Variants in GRM7 observed in about 807,000 individuals in gnomAD.
The protein encoded by GRM7 is metabotropic glutamate receptor 7.
Under a neutral mutation model 84.5 loss-of-function variants are expected in GRM7, and 35 were observed. The observed-to-expected ratio is 0.41, with a 90% CI of 0.32 to 0.55. The LOEUF is 0.55. Among genes scored for constraint, GRM7 ranks in the 20% least tolerant of loss-of-function variants. The probability of loss-of-function intolerance (pLI) is 0.19; values close to 1 mark genes in which losing one functional copy is unlikely to be tolerated. For synonymous variants in GRM7, 487 were observed against 455.1 expected, an observed-to-expected ratio of 1.07 and a Z score of -0.89; for missense variants, 1,003 against 1,194.6, an observed-to-expected ratio of 0.84 and a Z score of 2.36.
intron 5 of GRM7, among the ~76,000 whole-genome samples, chr3:7,447,506 G>A (rs531297593): frequency 7.8e-4 from 119 of 152,174 alleles, no homozygotes; most frequent in African/African-American, 2.9e-3. Flanking sequence ...CCATGTGGAG[G>A]GTGATTTCAA....
intron 7 of GRM7, among the ~76,000 whole-genome samples, chr3:7,540,477 C>T (rs367887996): frequency 6.6e-6 from 1 of 152,006 alleles, no homozygotes; most frequent in Non-Finnish European, 1.5e-5. Context: ...TAGCTAGATA[C>T]CCAAAAAACA....
At chr3:7,245,921 A>G (rs1697740013) in intron 2 of GRM7, among the ~76,000 whole-genome samples, 1 of 152,130 alleles carries the variant, frequency 6.6e-6, no homozygotes, top group Admixed American at 6.6e-5. Context: ...AAATTAATAA[A>G]ACATTTAGTA....
rs1359296110 is a variant in GRM7 at position 6,995,902 on chromosome 3, TTAAAAAGATGTGAAAGGTAAGCTTCTG to T, written c.519+133998_519+134024del. On this transcript the variant is annotated intron_variant, in intron 1 of 9. Coordinates refer to ENST00000357716, the MANE Select transcript of GRM7 (RefSeq NM_000844.4). ...GAGTTCAAATTTTAATTATAGAGGTTTAAAAAGATGTGAAAGGTAAGCTTCTGTACACTACTGATTTTCTATTTTTTG... is the reference window on the plus strand; with the variant it reads ...GAGTTCAAATTTTAATTATAGAGGTTTACACTACTGATTTTCTATTTTTTG... Among the ~76,000 whole-genome samples the T allele has an allele frequency of 2.6e-5, 4 of 152,270 alleles. No individual in the cohort carries two copies. The East Asian group carries it at 7.7e-4, about 29-fold the overall frequency.
chr3:7,583,769 A>G (rs1695382408), intron 8 of GRM7, among the ~76,000 whole-genome samples: 2 of 152,180 alleles, frequency 1.3e-5, no homozygotes, highest in Admixed American at 6.5e-5. Flanking sequence ...TTAGGAAGCT[A>G]TATATTAGTT....
chr3:7,735,464 A>C (rs903326756), intron 9 of GRM7, among the ~76,000 whole-genome samples: 3 of 131,386 alleles, frequency 2.3e-5, no homozygotes, highest in African/African-American at 9.9e-5. Context: ...TCTGGTCTCT[A>C]TTTCTTTTTT....
chr3:7,702,473 A>G (rs930122992), intron 9 of GRM7, among the ~76,000 whole-genome samples: 6 of 152,248 alleles, frequency 3.9e-5, no homozygotes, highest in African/African-American at 1.4e-4. Context: ...TCCACTAGTC[A>G]TAAACATTTT....
At chr3:7,478,923 G>T (rs1699028680) in intron 7 of GRM7, among the ~76,000 whole-genome samples, 1 of 152,102 alleles carries the variant, frequency 6.6e-6, no homozygotes, top group African/African-American at 2.4e-5. Context: ...TGTCCCCAGA[G>T]CACTCTAAAC....
rs78180965 is a variant in GRM7 at position 7,449,706 on chromosome 3, A to T, written c.1175-2901A>T. Among the ~76,000 whole-genome samples, 424 of 152,266 alleles carry T rather than the reference A, an allele frequency of 2.8e-3. 5 individuals are homozygous for T. The highest frequency in any genetic ancestry group is 9.8e-3 in the African/African-American group (407 of 41,580). On this transcript the variant is annotated intron_variant, in intron 5 of 9. Coordinates refer to ENST00000357716, the MANE Select transcript of GRM7 (RefSeq NM_000844.4). ...GACATATAGTAAAGGCAGAACCTCA[A>T]ATCAGCAAGAGAAGGTAAACTGTCA...
chr3:7,609,604 T>C (rs1055291394), intron 8 of GRM7, among the ~76,000 whole-genome samples: 2 of 151,850 alleles, frequency 1.3e-5, no homozygotes, highest in East Asian at 3.9e-4. Flanking sequence ...TAGAAGCTGG[T>C]GGAGAAACTT....
chr3:7,582,649 TATAAC>T (rs79128328), intron 8 of GRM7, among the ~76,000 whole-genome samples: 18,776 of 152,074 alleles, frequency 0.12, 1,461 homozygotes, highest in Admixed American at 0.16. Context: ...CTGTGCATAT[TATAAC>T]AGAACAAGGT....
At chr3:7,519,311 G>C (rs944964261) in intron 7 of GRM7, among the ~76,000 whole-genome samples, 2 of 151,588 alleles carry the variant, frequency 1.3e-5, no homozygotes, top group African/African-American at 4.8e-5. Context: ...GCAGTGAGCT[G>C]AGATAGCACC....
At chr3:7,313,655 A>G (rs368859018) in intron 4 of GRM7, among the ~76,000 whole-genome samples, 25 of 152,282 alleles carry the variant, frequency 1.6e-4, no homozygotes, top group African/African-American at 4.6e-4. Flanking sequence ...GTAGAGTGAA[A>G]GTTCAGATAG....
At chr3:7,135,228 C>G (rs1328535434) in intron 1 of GRM7, among the ~76,000 whole-genome samples, 2 of 152,136 alleles carry the variant, frequency 1.3e-5, no homozygotes, top group Admixed American at 1.3e-4. Flanking sequence ...GAGATGATAT[C>G]TAGAAAGGAG....
At chr3:7,644,929 C>T (rs1698549385) in intron 8 of GRM7, among the ~76,000 whole-genome samples, 1 of 152,124 alleles carries the variant, frequency 6.6e-6, no homozygotes. Context: ...GCCCATCAGC[C>T]TCCTGGCTGG....
chr3:6,930,870 A>T lies in GRM7; in HGVS notation c.519+68963A>T, dbSNP rs189780192. 2.3e-3 allele frequency among the ~76,000 whole-genome samples: 344 copies of T among 152,302 alleles called. 2 individuals carry two copies. Among genetic ancestry groups the T allele is most frequent in the African/African-American group, 7.7e-3 (322 of 41,552 alleles). On this transcript the variant is annotated intron_variant, in intron 1 of 9. Transcript: ENST00000357716. Reference sequence around the variant, plus strand: ...GAATATACTAGCTGCTGGCCCATGTAAAAACTATGAAGTTATTAAAGGACA... The same window carrying T: ...GAATATACTAGCTGCTGGCCCATGTTAAAACTATGAAGTTATTAAAGGACA...
At chr3:7,514,302 A>G (rs1312321110) in intron 7 of GRM7, among the ~76,000 whole-genome samples, 3 of 152,388 alleles carry the variant, frequency 2.0e-5, no homozygotes, top group African/African-American at 7.2e-5. Flanking sequence ...GGTAACTTTC[A>G]GCATAGATTG....
chr3:7,084,456 T>C (rs557225060), intron 1 of GRM7, among the ~76,000 whole-genome samples: 2 of 152,248 alleles, frequency 1.3e-5, no homozygotes, highest in Non-Finnish European at 2.9e-5. Context: ...GAAGTAGTCA[T>C]ATTAGGGATA....
At chr3:7,185,713 A>G (rs73124162) in intron 2 of GRM7, among the ~76,000 whole-genome samples, 4,233 of 152,266 alleles carry the variant, frequency 0.028, 169 homozygotes, top group African/African-American at 0.096. Flanking sequence ...CATCCTGTGC[A>G]CTAACTCAGA....
At chr3:7,410,598 T>TACAC (rs35513247) in intron 4 of GRM7, among the ~76,000 whole-genome samples, 59,998 of 142,434 alleles carry the variant, frequency 0.42, 13,620 homozygotes, top group Non-Finnish European at 0.53. Flanking sequence ...TATATATATA[T>TACAC]ACACACACAC....
Sources: allele counts gnomAD v4.1 joint callset (sites outside exome capture counted in the v4.1 genomes callset), GRCh38; gene constraint gnomAD v4.1.1; transcripts MANE v1.5; gene names NCBI Gene and HGNC (gene_info 2026-07-23, HGNC 2026-07-21).